The following LRRC49 variants were observed in gnomAD, a reference collection of about 807,000 sequenced individuals.
LRRC49 encodes leucine-rich repeat-containing protein 49.
A neutral mutation model predicts 83.3 loss-of-function variants in LRRC49; 50 were observed. The observed-to-expected ratio is 0.60, with a 90% CI of 0.48 to 0.76. The LOEUF (loss-of-function observed/expected upper bound fraction) is 0.76. LRRC49 is among the 30% of genes least tolerant of loss of function. The pLI, the probability that LRRC49 is intolerant of heterozygous loss-of-function variation, is 0.00. For missense variants in LRRC49, 704 were observed against 809.1 expected, an observed-to-expected ratio of 0.87 and a Z score of 1.58; for synonymous variants, 286 against 283.3, an observed-to-expected ratio of 1.01 and a Z score of -0.10.
intron 5 of LRRC49, among the ~76,000 whole-genome samples, chr15:70,909,839 A>ACAC (rs2034474539): frequency 1.5e-5 from 2 of 136,090 alleles, no homozygotes; most frequent in Non-Finnish European, 3.2e-5. Flanking sequence ...CTCCATCTCA[A>ACAC]ACACACACAC....
chr15:70,858,119 T>C (rs2032695590), intron 1 of LRRC49, among the ~76,000 whole-genome samples: 2 of 152,202 alleles, frequency 1.3e-5, no homozygotes, highest in African/African-American at 4.8e-5. Context: ...TGAGTATGTA[T>C]ATTGCTCCAT....
rs191812289 is a variant in LRRC49, at chr15:71,045,872, C to T, written c.1858-3537C>T. On this transcript the variant is annotated intron_variant, in intron 15 of 15. Coordinates refer to ENST00000260382, the MANE Select transcript of LRRC49 (RefSeq NM_017691.5). Reference sequence around the variant, plus strand: ...CCCCTACCACCCTCTATGTTGTTCCCATATTTATGTTGTTCCCATCTTCCA... The same window carrying T: ...CCCCTACCACCCTCTATGTTGTTCCTATATTTATGTTGTTCCCATCTTCCA... Among the ~76,000 whole-genome samples the T allele has an allele frequency of 3.8e-3, 584 of 152,138 alleles. 1 individual carries two copies. The highest frequency in any genetic ancestry group is 6.5e-3 in the Non-Finnish European group (441 of 67,984).
chr15:70,895,393 G>T (rs1202632988), intron 2 of LRRC49: 1 of 150,896 alleles, frequency 6.6e-6, no homozygotes, highest in Non-Finnish European at 1.5e-5. Context: ...TATATTGTGT[G>T]TTTTTTTTTG....
chr15:70,891,380 G>A (rs1481438871), upstream of LRRC49, among the ~76,000 whole-genome samples: 3 of 152,270 alleles, frequency 2.0e-5, no homozygotes, highest in East Asian at 5.8e-4. Flanking sequence ...ATCTTCATCT[G>A]TAGCTCCACA....
intron 4 of LRRC49, chr15:70,902,647 G>A (rs540907830): frequency 6.6e-6 from 1 of 152,298 alleles, no homozygotes; most frequent in African/African-American, 2.4e-5. Flanking sequence ...TTAGCTAGGA[G>A]CCTGAGGGGT....
chr15:70,931,823 T>C (rs1317608276), intron 7 of LRRC49, among the ~76,000 whole-genome samples: 1 of 152,212 alleles, frequency 6.6e-6, no homozygotes, highest in African/African-American at 2.4e-5. Flanking sequence ...CGTGTCCTTC[T>C]AGACAGTTTT....
intron 2 of LRRC49, among the ~76,000 whole-genome samples, chr15:70,883,993 A>G: frequency 6.6e-6 from 1 of 152,100 alleles, no homozygotes; most frequent in East Asian, 1.9e-4. Context: ...TATGGGTGAG[A>G]GGTAGAAAGA....
intron 3 of LRRC49, among the ~76,000 whole-genome samples, chr15:70,897,069 G>A (rs1595992349): frequency 6.6e-6 from 1 of 152,238 alleles, no homozygotes; most frequent in East Asian, 1.9e-4. Context: ...TGCTTGCATT[G>A]TCAATTTCCT....
intron 14 of LRRC49, among the ~76,000 whole-genome samples, chr15:71,023,219 A>G (rs1159395222): frequency 6.6e-6 from 1 of 152,214 alleles, no homozygotes; most frequent in Non-Finnish European, 1.5e-5. Context: ...TGAATGCGCT[A>G]AAACACTTAT....
At chr15:71,025,194 A>G (rs762495202) in intron 14 of LRRC49, among the ~76,000 whole-genome samples, 7 of 152,208 alleles carry the variant, frequency 4.6e-5, no homozygotes, top group African/African-American at 9.7e-5. Flanking sequence ...GGAAATCCAG[A>G]GAACCCCAGT....
At chr15:70,887,972 T>C (rs1595982720), upstream of LRRC49, among the ~76,000 whole-genome samples, 1 of 152,138 alleles carries the variant, frequency 6.6e-6, no homozygotes, top group East Asian at 1.9e-4. Context: ...TAGCTGTGAA[T>C]AAATCTAATG....
chr15:70,980,227 A>C, intron 10 of LRRC49, 43 bp downstream of exon 10: 1 of 1,405,486 alleles, frequency 7.1e-7, no homozygotes, highest in Non-Finnish European at 9.9e-7. Flanking sequence ...GCACACGTAG[A>C]CACACATACC....
At chr15:70,900,279 T>A (rs1043724808) in intron 3 of LRRC49, 33 of 361,584 alleles carry the variant, frequency 9.1e-5, no homozygotes, top group Non-Finnish European at 1.4e-4. Context: ...GTCATATACT[T>A]TGTGGACCCT....
Sources: gnomAD v4.1 joint callset for allele counts (sites outside exome capture counted in the v4.1 genomes callset) on GRCh38, gnomAD v4.1.1 for gene constraint, MANE v1.5 for transcripts, NCBI Gene and HGNC (gene_info 2026-07-23, HGNC 2026-07-21) for gene names.